RNF114: variants seen among roughly 807,000 people sequenced by gnomAD.
The protein encoded by RNF114 is ring finger protein 114, also known as E3 ubiquitin-protein ligase RNF114.
RNF114 carries 6 observed loss-of-function variants against 28.4 expected under a neutral mutation model. The ratio of observed to expected loss-of-function variants is 0.21; its 90% confidence interval spans 0.12 to 0.42. RNF114 has a LOEUF of 0.42. RNF114 is among the 10% of genes least tolerant of loss of function. The pLI is 1.00. For missense variants in RNF114, 249 were observed against 311.7 expected, an observed-to-expected ratio of 0.80 and a Z score of 1.51; for synonymous variants, 115 against 116.7, an observed-to-expected ratio of 0.99 and a Z score of 0.09.
chr20:49,948,079 C>T (rs55661396), intron 4 of RNF114, among the ~76,000 whole-genome samples: 63,964 of 151,524 alleles, frequency 0.42, 15,568 homozygotes, highest in East Asian at 0.79. Context: ...CGTGAGCCAC[C>T]GCGCCCGGCC....
chr20:49,946,719 C>T (rs16994998), intron 4 of RNF114, among the ~76,000 whole-genome samples: 2,162 of 152,144 alleles, frequency 0.014, 60 homozygotes, highest in African/African-American at 0.05. Flanking sequence ...TACATTAAGT[C>T]ATGTGATGTC....
chr20:49,943,873 G>GATAGAT (rs1555857476), intron 2 of RNF114: 2 of 122,136 alleles, frequency 1.6e-5, no homozygotes, highest in Non-Finnish European at 3.3e-5. Flanking sequence ...TACACACAGA[G>GATAGAT]ATATATATAT....
intron 2 of RNF114, 136 bp from the exon 3 acceptor site, chr20:49,945,246 A>C (rs2090325188): frequency 3.3e-6 from 2 of 603,184 alleles, no homozygotes; most frequent in South Asian, 4.0e-5. Flanking sequence ...CAGCCCCATC[A>C]GCGTAGTCAG....
chr20:49,944,971 A>G lies in RNF114; in HGVS notation c.292-411A>G, dbSNP rs537140914. 1,052 of 153,782 alleles carry G rather than the reference A, an allele frequency of 6.8e-3. 8 individuals carry two copies. Among genetic ancestry groups the G allele is most frequent in the African/African-American group, 0.021 (853 of 41,512 alleles). The allele number at this position is 153,782 out of a possible 1,614,324, so 9.5% of individuals were successfully genotyped here. A position where few individuals can be genotyped will look rare whatever the true frequency, so the allele number is the denominator to read the frequency against. Reference sequence around the variant, plus strand: ...ACTTTAACCAGGGTTAGTGGCTTTTATATGTTTTACCTAAAGGATCACTTT... The same window carrying G: ...ACTTTAACCAGGGTTAGTGGCTTTTGTATGTTTTACCTAAAGGATCACTTT... On this transcript the variant is annotated intron_variant, in intron 2 of 5. Transcript: ENST00000244061.
intron 4 of RNF114, among the ~76,000 whole-genome samples, chr20:49,946,482 C>T (rs2090332078): frequency 1.3e-5 from 2 of 152,068 alleles, no homozygotes; most frequent in Non-Finnish European, 1.5e-5. Context: ...TACTTCGCAC[C>T]CTGATACAGG....
intron 1 of RNF114, chr20:49,941,302 A>G (rs1011147219): frequency 8.0e-6 from 3 of 377,048 alleles, no homozygotes; most frequent in Non-Finnish European, 1.4e-5. Context: ...GGCAGGGCCT[A>G]AGGCTTGAAG....
rs1300083029 is a variant in RNF114, at chr20:49,952,269, T to A, written c.*128T>A. On this transcript the variant is annotated 3_prime_UTR_variant, in exon 6 of 6. Transcript: ENST00000244061. Reference sequence around the variant, plus strand: ...AATGAGCCATGGCATTGGGACAGGGTCACTTCTGACAGGGGAAGTGGGTCC... The same window carrying A: ...AATGAGCCATGGCATTGGGACAGGGACACTTCTGACAGGGGAAGTGGGTCC... 12 of 843,212 alleles carry A rather than the reference T, an allele frequency of 1.4e-5. No homozygotes were observed. In the East Asian group the frequency reaches 3.0e-4, roughly 21 times the overall value. The allele number at this position is 843,212 out of a possible 1,614,324, so 52.2% of individuals were successfully genotyped here.
intron 1 of RNF114, among the ~76,000 whole-genome samples, chr20:49,938,875 C>T (rs1327872500): frequency 2.6e-5 from 4 of 152,202 alleles, no homozygotes; most frequent in Non-Finnish European, 5.9e-5. Context: ...CTCACTGGAC[C>T]CTCTGTGCTC....
At position 49,953,863 on chromosome 20, in the gene RNF114, A is replaced by G. The variant is rs1211282894; in HGVS notation, c.*1722A>G. The G allele has an allele frequency of 6.6e-6, 1 of 152,240 alleles. No homozygotes were observed. The highest frequency in any genetic ancestry group is 1.5e-5 in the Non-Finnish European group (1 of 68,038). The allele number at this position is 152,240 out of a possible 1,614,324, so 9.4% of individuals were successfully genotyped here. On this transcript the variant is annotated 3_prime_UTR_variant, in exon 6 of 6. Coordinates refer to ENST00000244061, the MANE Select transcript of RNF114 (RefSeq NM_018683.4). The stretch of plus-strand genomic sequence containing the variant: ...CTGGCTTTTAAAAGGTAAAATATAA[A>G]TAAATTTCATAACTTAATCTAAGTG...
At chr20:49,949,174 G>T in intron 4 of RNF114, 74 bp from the exon 5 acceptor site, 1 of 1,200,992 alleles carries the variant, frequency 8.3e-7, no homozygotes, top group Middle Eastern at 1.9e-4. Flanking sequence ...AAGAAAGGAG[G>T]CCAGACACAG....
intron 1 of RNF114, chr20:49,941,012 T>TA (rs1392616597): frequency 2.6e-5 from 4 of 152,790 alleles, no homozygotes; most frequent in African/African-American, 9.6e-5. Flanking sequence ...GTGCTGGGAT[T>TA]ACGGGCGTGA....
chr20:49,939,006 C>G (rs1010009548), intron 1 of RNF114, among the ~76,000 whole-genome samples: 1 of 152,160 alleles, frequency 6.6e-6, no homozygotes, highest in Non-Finnish European at 1.5e-5. Flanking sequence ...GCATCATGGC[C>G]CCCAAGGTCT....
chr20:49,950,938 T>C (rs1393295177), intron 5 of RNF114, among the ~76,000 whole-genome samples: 1 of 152,144 alleles, frequency 6.6e-6, no homozygotes, highest in Non-Finnish European at 1.5e-5. Context: ...GTTTTAATTA[T>C]CTTCAAAAAT....
chr20:49,940,476 G>A (rs933537676), intron 1 of RNF114, among the ~76,000 whole-genome samples: 1 of 151,182 alleles, frequency 6.6e-6, no homozygotes, highest in Admixed American at 6.6e-5. Flanking sequence ...GTGCAGTGGC[G>A]CGATCTTGGC....
rs549689122 is a variant in RNF114 at position 49,940,897 on chromosome 20, A to G, written c.141-664A>G. On this transcript the variant is annotated intron_variant, in intron 1 of 5. Coordinates refer to ENST00000244061, the MANE Select transcript of RNF114 (RefSeq NM_018683.4). ...GCTGGGATTACAGGCATCTGCCACC[A>G]TGCCTGGCTAATTTTGGTATTTTTA... Among the ~76,000 whole-genome samples, 3 of 151,582 alleles carry G rather than the reference A, an allele frequency of 2.0e-5. No individual in the cohort carries two copies. The South Asian group carries it at 6.3e-4, about 32-fold the overall frequency.
At chr20:49,943,857 C>CAGAT (rs1568919592) in intron 2 of RNF114, 11 of 109,750 alleles carry the variant, frequency 1.0e-4, no homozygotes, top group African/African-American at 3.5e-4. Flanking sequence ...CACACACACA[C>CAGAT]ATACATACAC....
At chr20:49,938,072 G>A (rs1475371908) in intron 1 of RNF114, among the ~76,000 whole-genome samples, 1 of 152,178 alleles carries the variant, frequency 6.6e-6, no homozygotes, top group Admixed American at 6.5e-5. Flanking sequence ...GAACTAATAA[G>A]TCGTGTAAGC....
chr20:49,939,851 T>G (rs1433386231), intron 1 of RNF114, among the ~76,000 whole-genome samples: 1 of 151,878 alleles, frequency 6.6e-6, no homozygotes, highest in East Asian at 1.9e-4. Flanking sequence ...GGTCAGGAGT[T>G]CGAGACCAGC....
At chr20:49,947,937 G>A (rs1450447495) in intron 4 of RNF114, among the ~76,000 whole-genome samples, 1 of 151,306 alleles carries the variant, frequency 6.6e-6, no homozygotes, top group East Asian at 1.9e-4. Context: ...GACTACAGGT[G>A]CGCGCCACCA....
Sources: gnomAD v4.1 joint callset for allele counts (sites outside exome capture counted in the v4.1 genomes callset) on GRCh38, gnomAD v4.1.1 for gene constraint, MANE v1.5 for transcripts, NCBI Gene and HGNC (gene_info 2026-07-23, HGNC 2026-07-21) for gene names.